The following CNTN5 variants were observed in gnomAD, a reference collection of about 807,000 sequenced individuals.
The protein encoded by CNTN5 is contactin-5.
Under a neutral mutation model 129.1 loss-of-function variants are expected in CNTN5, and 77 were observed. That is an observed-to-expected ratio of 0.60 (90% CI 0.50 to 0.72). CNTN5 has a LOEUF of 0.72. Ranked by LOEUF, CNTN5 falls within the 30% of genes least tolerant of loss-of-function variation. The pLI is 0.00. For synonymous variants in CNTN5, 509 were observed against 465.6 expected (o/e 1.09, Z -1.20); for missense variants, 1,478 against 1,328.8 (o/e 1.11, Z -1.75).
chr11:99,122,109 A>G (rs1023254029), intron 1 of CNTN5, among the ~76,000 whole-genome samples: 13 of 151,778 alleles, frequency 8.6e-5, no homozygotes, highest in African/African-American at 2.7e-4. Flanking sequence ...CAGTAGGTAT[A>G]TCTCCTAATG....
chr11:100,115,780 A>G (rs2138139174), intron 13 of CNTN5, among the ~76,000 whole-genome samples: 1 of 152,194 alleles, frequency 6.6e-6, no homozygotes, highest in African/African-American at 2.4e-5. Context: ...ATTGGAAATA[A>G]TTATTTAAAT....
Position 99,591,486 on chromosome 11 carries a change from T to C in CNTN5, c.55+35217T>C, listed in dbSNP as rs1323803109. 2.0e-5 allele frequency among the ~76,000 whole-genome samples: 3 copies of C among 151,750 alleles called. No homozygotes were observed. The East Asian group carries it at 5.8e-4, about 30-fold the overall frequency. ...CCGAGTAGCTGAGACTACAGGCGCG[T>C]GCCACCATGCCCGGCTAATTTTTTT... On this transcript the variant is annotated intron_variant, in intron 3 of 24. Coordinates refer to ENST00000524871, the MANE Select transcript of CNTN5 (RefSeq NM_014361.4).
At chr11:99,395,190 C>A (rs1478333671) in intron 2 of CNTN5, among the ~76,000 whole-genome samples, 1 of 151,796 alleles carries the variant, frequency 6.6e-6, no homozygotes, top group Non-Finnish European at 1.5e-5. Flanking sequence ...TCTCCCCAAC[C>A]TCACAAGCAT....
At chr11:99,725,234 T>C (rs1943297475) in intron 3 of CNTN5, among the ~76,000 whole-genome samples, 1 of 152,138 alleles carries the variant, frequency 6.6e-6, no homozygotes, top group African/African-American at 2.4e-5. Flanking sequence ...TATAAGACAC[T>C]GTTTAAACTT....
At chr11:99,416,231 AT>A (rs1301608522) in intron 2 of CNTN5, among the ~76,000 whole-genome samples, 1 of 152,090 alleles carries the variant, frequency 6.6e-6, no homozygotes, top group East Asian at 1.9e-4. Flanking sequence ...TATGCAGGGT[AT>A]TTTTTCAACA....
intron 17 of CNTN5, among the ~76,000 whole-genome samples, chr11:100,263,805 A>C (rs554717467): frequency 2.2e-3 from 340 of 152,176 alleles, no homozygotes; most frequent in Non-Finnish European, 4.3e-3. Flanking sequence ...GGTGTTGTGC[A>C]CTCATCTAAT....
chr11:99,484,736 G>A (rs963312376), intron 2 of CNTN5, among the ~76,000 whole-genome samples: 8 of 151,916 alleles, frequency 5.3e-5, no homozygotes, highest in Non-Finnish European at 1.2e-4. Flanking sequence ...ATCATTCTCT[G>A]TTACACGAAT....
intron 15 of CNTN5, among the ~76,000 whole-genome samples, chr11:100,207,144 A>T (rs960353248): frequency 6.6e-6 from 1 of 152,120 alleles, no homozygotes; most frequent in Admixed American, 6.6e-5. Flanking sequence ...AGATAGATGG[A>T]CCTTTAAACA....
chr11:99,640,598 A>G (rs1245789001), intron 3 of CNTN5, among the ~76,000 whole-genome samples: 1 of 152,124 alleles, frequency 6.6e-6, no homozygotes, highest in Non-Finnish European at 1.5e-5. Flanking sequence ...GTCAATTATA[A>G]TACTATATTT....
At chr11:99,806,706 C>T (rs1417730974) in intron 3 of CNTN5, among the ~76,000 whole-genome samples, 1 of 151,290 alleles carries the variant, frequency 6.6e-6, no homozygotes, top group African/African-American at 2.4e-5. Flanking sequence ...ACTTGGGAGG[C>T]TGAGGCAGGA....
At chr11:99,853,363 G>A (rs1178001613) in intron 6 of CNTN5, among the ~76,000 whole-genome samples, 1 of 151,774 alleles carries the variant, frequency 6.6e-6, no homozygotes, top group Admixed American at 6.6e-5. Flanking sequence ...GCAGGTATGT[G>A]TGTATATGTA....
intron 3 of CNTN5, among the ~76,000 whole-genome samples, chr11:99,693,115 A>T (rs1401993229): frequency 2.0e-5 from 3 of 152,200 alleles, no homozygotes; most frequent in Admixed American, 1.3e-4. Flanking sequence ...CTGCAATAAG[A>T]TGTAAATATG....
intron 1 of CNTN5, among the ~76,000 whole-genome samples, chr11:99,228,631 T>TA (rs1009248187): frequency 5.3e-5 from 8 of 152,080 alleles, no homozygotes; most frequent in African/African-American, 1.9e-4. Context: ...ATTAAAAAGT[T>TA]AAAAAATAGC....
At chr11:99,159,691 A>G (rs373281960) in intron 1 of CNTN5, among the ~76,000 whole-genome samples, 1 of 152,224 alleles carries the variant, frequency 6.6e-6, no homozygotes, top group Non-Finnish European at 1.5e-5. Context: ...ATCTTGAAAG[A>G]CAATTCTTAA....
intron 2 of CNTN5, among the ~76,000 whole-genome samples, chr11:99,468,837 C>T (rs1038407838): frequency 1.3e-5 from 2 of 151,228 alleles, no homozygotes; most frequent in Admixed American, 1.3e-4. Context: ...CAGGTTCAAG[C>T]GATTCTCCTG....
At chr11:99,914,333 T>G (rs1272575817) in intron 6 of CNTN5, among the ~76,000 whole-genome samples, 1 of 152,100 alleles carries the variant, frequency 6.6e-6, no homozygotes, top group Non-Finnish European at 1.5e-5. Context: ...AATCTTGCCA[T>G]GCTTTGATTT....
intron 2 of CNTN5, among the ~76,000 whole-genome samples, chr11:99,355,446 A>C (rs1027520015): frequency 2.1e-4 from 32 of 152,164 alleles, no homozygotes; most frequent in African/African-American, 7.5e-4. Context: ...GGATAACTTT[A>C]ATCCATAAGA....
At chr11:100,116,145 C>T (rs977160109) in intron 13 of CNTN5, among the ~76,000 whole-genome samples, 1 of 151,932 alleles carries the variant, frequency 6.6e-6, no homozygotes, top group Non-Finnish European at 1.5e-5. Flanking sequence ...CTGGATTGCT[C>T]TTATATCAAA....
chr11:99,738,530 A>C (rs1010183958), intron 3 of CNTN5, among the ~76,000 whole-genome samples: 1 of 152,164 alleles, frequency 6.6e-6, no homozygotes, highest in Non-Finnish European at 1.5e-5. Context: ...TACCAGCTGA[A>C]GAAATAATAG....
Sources: gnomAD v4.1 joint callset for allele counts (sites outside exome capture counted in the v4.1 genomes callset) on GRCh38, gnomAD v4.1.1 for gene constraint, MANE v1.5 for transcripts, NCBI Gene and HGNC (gene_info 2026-07-23, HGNC 2026-07-21) for gene names.